Variants in OR1J2 observed in about 807,000 individuals in gnomAD.
The protein encoded by OR1J2 is olfactory receptor family 1 subfamily J member 2.
For missense variants in OR1J2, 304 were observed against 246.1 expected (o/e 1.24, Z -1.57); for synonymous variants, 142 against 99.7 (o/e 1.42, Z -2.52).
chr9:122,575,774 TATTTAACAAAA>T, the OR1J2 span, among the ~76,000 whole-genome samples: 2 of 152,206 alleles, frequency 1.3e-5, no homozygotes, highest in African/African-American at 4.8e-5. Flanking sequence ...ACTAAAATCT[TATTTAACAAAA>T]ATCCCTAATA....
chr9:122,526,518 C>G, the OR1J2 span: 5 of 1,596,750 alleles, frequency 3.1e-6, no homozygotes, highest in Admixed American at 6.8e-5. Flanking sequence ...GGAGGGAGGA[C>G]ACAGGTAGGC....
chr9:122,458,551 C>T, the OR1J2 span, among the ~76,000 whole-genome samples: 9 of 152,308 alleles, frequency 5.9e-5, no homozygotes, highest in Non-Finnish European at 1.2e-4. Flanking sequence ...GCACGTTGTA[C>T]GTGGCAGCAG....
the OR1J2 span, chr9:122,526,329 C>G: frequency 7.3e-7 from 1 of 1,379,104 alleles, no homozygotes; most frequent in Non-Finnish European, 9.7e-7. Context: ...AAGCCTATGT[C>G]TTTTCATTAA....
At chr9:122,520,083 C>T in the OR1J2 span, 2 of 1,600,332 alleles carry the variant, frequency 1.2e-6, no homozygotes, top group Non-Finnish European at 1.7e-6. Context: ...ATCTCAATGA[C>T]ATTTACTCTT....
chr9:122,471,272 A>G, the OR1J2 span: 1 of 152,186 alleles, frequency 6.6e-6, no homozygotes, highest in Non-Finnish European at 1.5e-5. Flanking sequence ...TTCTCATGGT[A>G]GTGAATAAGT....
the OR1J2 span, among the ~76,000 whole-genome samples, chr9:122,542,541 C>G: frequency 6.6e-6 from 1 of 152,102 alleles, no homozygotes; most frequent in Non-Finnish European, 1.5e-5. Flanking sequence ...TAAAAATACA[C>G]AGCAAGGTGA....
At chr9:122,575,416 CAT>C in the OR1J2 span, among the ~76,000 whole-genome samples, 1 of 152,050 alleles carries the variant, frequency 6.6e-6, no homozygotes, top group Non-Finnish European at 1.5e-5. Flanking sequence ...TGCATTTTGA[CAT>C]ATTGTTGACA....
chr9:122,490,855 C>T, the OR1J2 span, among the ~76,000 whole-genome samples: 2 of 152,134 alleles, frequency 1.3e-5, no homozygotes, highest in African/African-American at 4.8e-5. Context: ...AGCAGATTGA[C>T]AATCATACTA....
the OR1J2 span, among the ~76,000 whole-genome samples, chr9:122,576,138 A>AT: frequency 1.3e-5 from 2 of 152,112 alleles, no homozygotes; most frequent in African/African-American, 2.4e-5. Context: ...CAGATAGTTC[A>AT]TTTTTTTGCT....
At chr9:122,458,981 C>T in the OR1J2 span, among the ~76,000 whole-genome samples, 1 of 151,988 alleles carries the variant, frequency 6.6e-6, no homozygotes, top group Non-Finnish European at 1.5e-5. Context: ...TTTCATCCTC[C>T]CTACCCTTTG....
the OR1J2 span, chr9:122,572,849 TC>T: frequency 6.6e-6 from 1 of 152,350 alleles, no homozygotes; most frequent in East Asian, 1.9e-4. Flanking sequence ...ATCTGTGATT[TC>T]CAACTCTGCT....
At chr9:122,508,481 T>TTTATTAAAGGAATATTCC (rs936197885), upstream of OR1J2, among the ~76,000 whole-genome samples, 3 of 152,110 alleles carry the variant, frequency 2.0e-5, no homozygotes, top group Non-Finnish European at 2.9e-5. Context: ...TAAAGGAAAT[T>TTTATTAAAGGAATATTCC]TTATTAAAGG....
the OR1J2 span, among the ~76,000 whole-genome samples, chr9:122,489,574 A>G: frequency 2.5e-4 from 38 of 152,310 alleles, no homozygotes; most frequent in East Asian, 7.1e-3. Context: ...CAAGGAACAC[A>G]AAAAGATCAA....
At chr9:122,548,515 C>T in the OR1J2 span, among the ~76,000 whole-genome samples, 3 of 152,148 alleles carry the variant, frequency 2.0e-5, no homozygotes, top group Admixed American at 2.0e-4. Flanking sequence ...GCCAAAGTGA[C>T]TCATTAGGAG....
chr9:122,548,588 T>TA, the OR1J2 span, among the ~76,000 whole-genome samples: 6 of 151,498 alleles, frequency 4.0e-5, no homozygotes, highest in South Asian at 2.1e-4. Context: ...TTTTAAAATT[T>TA]TTATATATAT....
chr9:122,532,165 C>G, the OR1J2 span, among the ~76,000 whole-genome samples: 1 of 62,586 alleles, frequency 1.6e-5, no homozygotes, highest in African/African-American at 7.3e-5. Context: ...CAGTCCTGGG[C>G]GGGAGCAAAT....
chr9:122,524,425 T>G, the OR1J2 span, among the ~76,000 whole-genome samples: 1 of 152,208 alleles, frequency 6.6e-6, no homozygotes, highest in East Asian at 1.9e-4. Context: ...AATACATTGA[T>G]AACTCTTGGC....
the OR1J2 span, among the ~76,000 whole-genome samples, chr9:122,517,423 A>G: frequency 1.3e-5 from 2 of 152,198 alleles, no homozygotes; most frequent in Admixed American, 6.5e-5. Context: ...GAAGGATGGT[A>G]TTCTCATATG....
At chr9:122,564,503 T>G in the OR1J2 span, among the ~76,000 whole-genome samples, 1,339 of 152,160 alleles carry the variant, frequency 8.8e-3, 18 homozygotes, top group African/African-American at 0.031. Context: ...ATTGGAGAAA[T>G]TGCAGAGATT....
Sources: allele counts gnomAD v4.1 joint callset (sites outside exome capture counted in the v4.1 genomes callset), GRCh38; gene constraint gnomAD v4.1.1; transcripts MANE v1.5; gene names NCBI Gene and HGNC (gene_info 2026-07-23, HGNC 2026-07-21).